The following RGL1 variants were observed in gnomAD, a reference collection of about 807,000 sequenced individuals.
The protein encoded by RGL1 is ral guanine nucleotide dissociation stimulator-like 1.
A neutral mutation model predicts 95.2 loss-of-function variants in RGL1; 24 were observed. The ratio of observed to expected loss-of-function variants is 0.25; its 90% confidence interval spans 0.18 to 0.35. The LOEUF (loss-of-function observed/expected upper bound fraction) is 0.35. Among genes scored for constraint, RGL1 ranks in the 10% least tolerant of loss-of-function variants. RGL1 has a pLI of 1.00. For missense variants in RGL1, 715 were observed against 936.3 expected, an observed-to-expected ratio of 0.76 and a Z score of 3.08; for synonymous variants, 329 against 344.9, an observed-to-expected ratio of 0.95 and a Z score of 0.51.
intron 1 of RGL1, among the ~76,000 whole-genome samples, chr1:183,674,397 G>A (rs1652680620): frequency 6.6e-6 from 1 of 151,922 alleles, no homozygotes; most frequent in African/African-American, 2.4e-5. Context: ...TTTTAAATTT[G>A]CTTAATTCAT....
At chr1:183,812,469 C>G (rs1302184735) in intron 2 of RGL1, among the ~76,000 whole-genome samples, 1 of 152,178 alleles carries the variant, frequency 6.6e-6, no homozygotes, top group Admixed American at 6.5e-5. Context: ...AACTCTCCTT[C>G]CATACCATTC....
upstream of RGL1, among the ~76,000 whole-genome samples, chr1:183,802,277 T>A (rs1378113010): frequency 6.6e-6 from 1 of 152,214 alleles, no homozygotes; most frequent in African/African-American, 2.4e-5. Flanking sequence ...GGGCTTTCTG[T>A]TCTGTTCCAT....
chr1:183,797,653 G>A (rs1234171431), intron 2 of RGL1, among the ~76,000 whole-genome samples: 1 of 152,196 alleles, frequency 6.6e-6, no homozygotes, highest in Non-Finnish European at 1.5e-5. Context: ...TACTGGTTAA[G>A]GAGTTTTCAG....
At chr1:183,659,332 C>G (rs1376474753) in intron 1 of RGL1, among the ~76,000 whole-genome samples, 1 of 152,160 alleles carries the variant, frequency 6.6e-6, no homozygotes, top group Non-Finnish European at 1.5e-5. Flanking sequence ...TAATGTATAA[C>G]TAGAATAACC....
At chr1:183,653,113 G>T (rs895133114) in intron 1 of RGL1, 2 of 152,186 alleles carry the variant, frequency 1.3e-5, no homozygotes, top group African/African-American at 4.8e-5. Flanking sequence ...CCAGGTGTTA[G>T]AAGAGATGGT....
intron 1 of RGL1, among the ~76,000 whole-genome samples, chr1:183,738,399 C>T (rs548644159): frequency 2.0e-5 from 3 of 149,942 alleles, no homozygotes; most frequent in Admixed American, 6.6e-5. Context: ...CCAGCCTGGG[C>T]GACAGAGCAA....
intron 15 of RGL1, among the ~76,000 whole-genome samples, chr1:183,915,759 A>G (rs544186496): frequency 6.6e-6 from 1 of 152,342 alleles, no homozygotes; most frequent in South Asian, 2.1e-4. Context: ...ATGTTGATTC[A>G]TCTTATTGTC....
chr1:183,712,052 T>C (rs922137928), intron 1 of RGL1, among the ~76,000 whole-genome samples: 1 of 152,164 alleles, frequency 6.6e-6, no homozygotes, highest in African/African-American at 2.4e-5. Context: ...ACATAAAGTA[T>C]TTTCCAAATT....
intron 9 of RGL1, among the ~76,000 whole-genome samples, chr1:183,895,080 T>C (rs976332858): frequency 4.6e-5 from 7 of 152,210 alleles, no homozygotes; most frequent in African/African-American, 9.6e-5. Context: ...AAAGGACTGC[T>C]AGAAAGCCCC....
intron 1 of RGL1, among the ~76,000 whole-genome samples, chr1:183,706,727 A>G (rs1055948414): frequency 6.6e-6 from 1 of 152,198 alleles, no homozygotes; most frequent in Non-Finnish European, 1.5e-5. Context: ...GTGGGCCCAC[A>G]GAGCCCCTGA....
chr1:183,922,139 A>C (rs1669339917), intron 16 of RGL1, 83 bp from the exon 17 acceptor site: 1 of 1,115,284 alleles, frequency 9.0e-7, no homozygotes, highest in South Asian at 1.3e-5. Context: ...ACAACACAAG[A>C]CAGCAAGAAT....
intron 9 of RGL1, among the ~76,000 whole-genome samples, chr1:183,897,026 G>A (rs2102686048): frequency 6.6e-6 from 1 of 152,342 alleles, no homozygotes; most frequent in South Asian, 2.1e-4. Context: ...TGCTACAGAA[G>A]TAGTCCCTTT....
At chr1:183,774,809 C>T (rs1232512395) in intron 2 of RGL1, among the ~76,000 whole-genome samples, 2 of 151,978 alleles carry the variant, frequency 1.3e-5, no homozygotes, top group Non-Finnish European at 2.9e-5. Context: ...CTCCTGACCT[C>T]GTAATCCGCC....
At chr1:183,673,856 G>C (rs1172305885) in intron 1 of RGL1, among the ~76,000 whole-genome samples, 1 of 152,140 alleles carries the variant, frequency 6.6e-6, no homozygotes, top group African/African-American at 2.4e-5. Context: ...CATTGGGTTT[G>C]CAAGTGTCTA....
intron 9 of RGL1, 150 bp from the exon 10 acceptor site, chr1:183,897,658 T>A: frequency 1.8e-6 from 1 of 567,220 alleles, no homozygotes; most frequent in East Asian, 3.0e-5. Context: ...ATAATATACA[T>A]CGTGAGAGCC....
intron 7 of RGL1, 63 bp downstream of exon 7, chr1:183,885,001 C>T (rs949609231): frequency 1.9e-5 from 26 of 1,391,212 alleles, no homozygotes; most frequent in South Asian, 5.1e-5. Context: ...TCCATCACTT[C>T]GTTTAAATGG....
intron 1 of RGL1, among the ~76,000 whole-genome samples, chr1:183,656,180 C>G (rs1455911934): frequency 6.8e-6 from 1 of 148,144 alleles, no homozygotes; most frequent in Non-Finnish European, 1.5e-5. Flanking sequence ...CTAACTCTTA[C>G]AAAAAAGTAA....
At chr1:183,675,970 C>G (rs1652802011) in intron 1 of RGL1, among the ~76,000 whole-genome samples, 1 of 151,954 alleles carries the variant, frequency 6.6e-6, no homozygotes, top group Non-Finnish European at 1.5e-5. Flanking sequence ...ACGTAATGAG[C>G]ACAGGTCTCT....
intron 4 of RGL1, among the ~76,000 whole-genome samples, chr1:183,874,841 C>G (rs1666394899): frequency 6.6e-6 from 1 of 152,154 alleles, no homozygotes. Context: ...TCAGAGGCAG[C>G]TTCTATCTGG....
Sources: allele counts gnomAD v4.1 joint callset (sites outside exome capture counted in the v4.1 genomes callset), GRCh38; gene constraint gnomAD v4.1.1; transcripts MANE v1.5; gene names NCBI Gene and HGNC (gene_info 2026-07-23, HGNC 2026-07-21).